DTNB: variants seen among roughly 807,000 people sequenced by gnomAD.
The protein encoded by DTNB is DTN-B.
Under a neutral mutation model 90.7 loss-of-function variants are expected in DTNB, and 63 were observed. The observed-to-expected ratio is 0.69, with a 90% CI of 0.57 to 0.86. The LOEUF (loss-of-function observed/expected upper bound fraction) is 0.86. Among genes scored for constraint, DTNB ranks in the 40% least tolerant of loss-of-function variants. The probability of loss-of-function intolerance (pLI) is 0.00; values close to 1 mark genes in which losing one functional copy is unlikely to be tolerated. For synonymous variants in DTNB, 277 were observed against 286.7 expected, an observed-to-expected ratio of 0.97 and a Z score of 0.34; for missense variants, 744 against 807.1, an observed-to-expected ratio of 0.92 and a Z score of 0.95.
intron 9 of DTNB, among the ~76,000 whole-genome samples, chr2:25,512,330 G>A (rs539483572): frequency 2.0e-4 from 30 of 152,264 alleles, no homozygotes; most frequent in Admixed American, 1.1e-3. Flanking sequence ...CTTGAACAGA[G>A]GGACTACAAG....
chr2:25,487,198 C>A (rs945498198), intron 9 of DTNB, among the ~76,000 whole-genome samples: 27 of 152,158 alleles, frequency 1.8e-4, no homozygotes, highest in Non-Finnish European at 3.1e-4. Context: ...GCAAGCAAAT[C>A]ATCACAATGC....
chr2:25,381,460 G>T (rs573221444), intron 19 of DTNB, among the ~76,000 whole-genome samples: 1 of 152,240 alleles, frequency 6.6e-6, no homozygotes, highest in East Asian at 1.9e-4. Context: ...GCTCACTGCA[G>T]CCTTAAACTC....
chr2:25,617,214 T>C (rs1418785422), intron 4 of DTNB, among the ~76,000 whole-genome samples: 1 of 152,146 alleles, frequency 6.6e-6, no homozygotes, highest in Non-Finnish European at 1.5e-5. Flanking sequence ...AAAGTGTCAA[T>C]CTGTAACTCA....
At chr2:25,431,548 G>A (rs1483704041) in intron 14 of DTNB, among the ~76,000 whole-genome samples, 1 of 152,156 alleles carries the variant, frequency 6.6e-6, no homozygotes, top group Non-Finnish European at 1.5e-5. Flanking sequence ...ATTGGTCTCA[G>A]ATTTACATTT....
intron 16 of DTNB, among the ~76,000 whole-genome samples, chr2:25,403,258 G>A (rs374082383): frequency 2.6e-4 from 40 of 152,290 alleles, no homozygotes; most frequent in African/African-American, 9.1e-4. Context: ...TGGGATTACG[G>A]GCGCCCGCCA....
Position 25,607,321 on chromosome 2 carries a change from A to G in DTNB, c.363T>C (p.Ser121=), listed in dbSNP as rs1445587881. 1 of 1,591,272 alleles carries G rather than the reference A, an allele frequency of 6.3e-7. No homozygotes were observed. Among genetic ancestry groups the G allele is most frequent in the Non-Finnish European group, 8.6e-7 (1 of 1,168,130 alleles). ...ATACCGTCAACTTGCCTCGGCCCTC[A>G]CTGCAAAATAAATTATATTAGAAAT... ...LLNFMIAAYD[S]EGRGKLTVFS... Residue 121 remains serine, a splice_region_variant and synonymous_variant, in exon 5 of 21, where the codon AGT becomes AGC. Coordinates refer to ENST00000406818, the MANE Select transcript of DTNB (RefSeq NM_021907.5).
intron 8 of DTNB, among the ~76,000 whole-genome samples, chr2:25,536,856 C>T (rs975666112): frequency 3.9e-5 from 6 of 152,170 alleles, no homozygotes; most frequent in Admixed American, 1.3e-4. Context: ...AATTCTCCTG[C>T]CTCAGCCTCC....
At chr2:25,418,920 T>G (rs528135756) in intron 16 of DTNB, among the ~76,000 whole-genome samples, 42 of 152,010 alleles carry the variant, frequency 2.8e-4, no homozygotes, top group Non-Finnish European at 2.1e-4. Context: ...GAAACAAACA[T>G]AAACCTCCCC....
In DTNB at chr2:25,481,215, T is replaced by C. The variant is rs543156321; in HGVS notation, c.1079+1581A>G. On this transcript the variant is annotated intron_variant, in intron 10 of 20. Transcript: ENST00000406818. ...GAGTTTGAGACCAGCTTGGCCAACA[T>C]GGTGAAACCCAATCTCTACTGAAAA... 3.0e-3 allele frequency among the ~76,000 whole-genome samples: 454 copies of C among 151,462 alleles called. 3 individuals carry two copies. Among genetic ancestry groups the C allele is most frequent in the African/African-American group, 1.0e-2 (411 of 41,286 alleles).
Position 25,387,641 on chromosome 2 carries a change from C to T in DTNB, c.1736-263G>A, listed in dbSNP as rs1452028596. ...TTTGCCGCCACCACACAATCCAGAGCTGGGTTCCAGAATAAGCATTCCACC... is the reference window on the plus strand; with the variant it reads ...TTTGCCGCCACCACACAATCCAGAGTTGGGTTCCAGAATAAGCATTCCACC... On this transcript the variant is annotated intron_variant, in intron 17 of 20. Transcript: ENST00000406818. The surrounding 1 kb of genome is among the most constrained non-coding windows in gnomAD (Gnocchi z 4.5). Among the ~76,000 whole-genome samples, 2 of 152,194 alleles carry T rather than the reference C, an allele frequency of 1.3e-5. No individual in the cohort carries two copies. Among genetic ancestry groups the T allele is most frequent in the Non-Finnish European group, 2.9e-5 (2 of 68,030 alleles).
At chr2:25,482,898 T>C (rs761145944) in intron 9 of DTNB, 25 bp from the exon 10 acceptor site, 56 of 1,583,792 alleles carry the variant, frequency 3.5e-5, no homozygotes, top group African/African-American at 4.1e-5. Flanking sequence ...ATTTACCTTA[T>C]ATTAATAATG....
intron 12 of DTNB, among the ~76,000 whole-genome samples, chr2:25,437,423 G>A (rs1558522717): frequency 6.6e-6 from 1 of 151,940 alleles, no homozygotes; most frequent in South Asian, 2.1e-4. Context: ...CACCATGCCT[G>A]GCTAATTTTT....
rs1558905877 is a variant in DTNB, at chr2:25,531,538, C to A, written c.936G>T (p.Thr312=). The A allele has an allele frequency of 6.2e-7, 1 of 1,613,768 alleles. No homozygotes were observed. The highest frequency in any genetic ancestry group is 1.3e-5 in the African/African-American group (1 of 74,912). The part of the protein sequence containing the change: ...AISKSLGCVP[T]REPPHPVFPE... The stretch of plus-strand genomic sequence containing the variant: ...GAAAAACAGGATGCGGGGGTTCTCT[C>A]GTGGGTACACACCCCAAAGATTTAC... The change falls in exon 9 of 21, where the codon ACG becomes ACT. Residue 312 remains threonine, a synonymous_variant. Coordinates refer to ENST00000406818, the MANE Select transcript of DTNB (RefSeq NM_021907.5).
chr2:25,398,267 T>C (rs1350100923), intron 16 of DTNB, among the ~76,000 whole-genome samples: 1 of 152,218 alleles, frequency 6.6e-6, no homozygotes, highest in East Asian at 1.9e-4. Context: ...GCATGCCTTC[T>C]GAGGAAGATA....
At chr2:25,417,165 T>C (rs926168124) in intron 16 of DTNB, among the ~76,000 whole-genome samples, 1 of 152,154 alleles carries the variant, frequency 6.6e-6, no homozygotes, top group African/African-American at 2.4e-5. Context: ...CAATTCACGC[T>C]ATGGACAGTC....
In DTNB at chr2:25,616,032, A is replaced by C. The variant is rs2070372595; in HGVS notation, c.363-8711T>G. 4.6e-5 allele frequency among the ~76,000 whole-genome samples: 7 copies of C among 152,392 alleles called. No homozygotes were observed. In the South Asian group the frequency reaches 1.4e-3, roughly 32 times the overall value. On this transcript the variant is annotated intron_variant, in intron 4 of 20. Coordinates refer to ENST00000406818, the MANE Select transcript of DTNB (RefSeq NM_021907.5). ...TGTTGGCAGTGATAAATCAAAGGAC[A>C]TAATAAAAGATTACAGAAAATTAAT...
chr2:25,427,180 AACACACACACACAC>A (rs3041256), intron 15 of DTNB, among the ~76,000 whole-genome samples: 145 of 139,656 alleles, frequency 1.0e-3, no homozygotes, highest in Non-Finnish European at 1.7e-3. Flanking sequence ...TCCATCTCAA[AACACACACACACAC>A]ACACACACAC....
At position 25,494,252 on chromosome 2, in the gene DTNB, G is replaced by A. The variant is rs116656939; in HGVS notation, c.1002-11379C>T. On this transcript the variant is annotated intron_variant, in intron 9 of 20. Coordinates refer to ENST00000406818, the MANE Select transcript of DTNB (RefSeq NM_021907.5). ...GATAATGGGTTCAAGGTCACATGAT[G>A]GAATCAGTATTGGACACTACTTGTA... 6.9e-3 allele frequency among the ~76,000 whole-genome samples: 1,056 copies of A among 152,258 alleles called. 17 individuals carry two copies. Among genetic ancestry groups the A allele is most frequent in the African/African-American group, 0.024 (1,010 of 41,522 alleles).
At chr2:25,444,168 G>A (rs1360018877) in intron 12 of DTNB, among the ~76,000 whole-genome samples, 1 of 152,156 alleles carries the variant, frequency 6.6e-6, no homozygotes, top group Non-Finnish European at 1.5e-5. Context: ...GGTGACGTTT[G>A]TGATGACACT....
Sources: gnomAD v4.1 joint callset for allele counts (sites outside exome capture counted in the v4.1 genomes callset) on GRCh38, gnomAD v4.1.1 for gene constraint, Gnocchi (gnomAD v3.1) non-coding constraint, MANE v1.5 for transcripts, NCBI Gene and HGNC (gene_info 2026-07-23, HGNC 2026-07-21) for gene names.